ESAM: variants seen among roughly 807,000 people sequenced by gnomAD.
ESAM encodes the protein endothelial cell adhesion molecule.
ESAM carries 23 observed loss-of-function variants against 31.8 expected under a neutral mutation model. That is an observed-to-expected ratio of 0.72 (90% CI 0.52 to 1.03). ESAM has a LOEUF of 1.03. ESAM is among the 50% of genes least tolerant of loss of function. ESAM has a pLI of 0.00. For synonymous variants in ESAM, 216 were observed against 207.2 expected (o/e 1.04, Z -0.37); for missense variants, 478 against 488.9 (o/e 0.98, Z 0.21).
chr11:124,757,918 C>G (rs757427477), intron 2 of ESAM, among the ~76,000 whole-genome samples: 2 of 152,020 alleles, frequency 1.3e-5, no homozygotes, highest in Non-Finnish European at 2.9e-5. Flanking sequence ...AGGCTGCTCT[C>G]GAACTCTTGG....
chr11:124,758,248 G>A (rs1382466387), intron 2 of ESAM, 101 bp downstream of exon 2: 7 of 1,349,082 alleles, frequency 5.2e-6, no homozygotes, highest in South Asian at 1.3e-5. Context: ...CTCCTTCCCC[G>A]GCCCCCATTC....
rs1403632182 is a variant in ESAM at position 124,753,187 on chromosome 11, A to G, written c.*459T>C. 1 of 168,692 alleles carries G rather than the reference A, an allele frequency of 5.9e-6. No homozygotes were observed. Among genetic ancestry groups the G allele is most frequent in the African/African-American group, 2.4e-5 (1 of 41,824 alleles). 10.4% of individuals were successfully genotyped at this position (168,692 alleles called of 1,614,324 possible). A position where few individuals can be genotyped will look rare whatever the true frequency, so the allele number is the denominator to read the frequency against. ...AAATTTGCAAATGAAAACAACACAT[A>G]TTTCATGTTAGTTTTAATAAGAGAT... On this transcript the variant is annotated 3_prime_UTR_variant, in exon 7 of 7. Coordinates refer to ENST00000278927, the MANE Select transcript of ESAM (RefSeq NM_138961.3).
In ESAM at chr11:124,759,621, G is replaced by A. The variant is rs1178182719; in HGVS notation, c.71-1094C>T. Among the ~76,000 whole-genome samples the A allele has an allele frequency of 6.6e-6, 1 of 152,242 alleles. No homozygotes were observed. Among genetic ancestry groups the A allele is most frequent in the Non-Finnish European group, 1.5e-5 (1 of 68,040 alleles). On this transcript the variant is annotated intron_variant, in intron 1 of 6. Coordinates refer to ENST00000278927, the MANE Select transcript of ESAM (RefSeq NM_138961.3). The surrounding 1 kb of genome is among the most constrained non-coding windows in gnomAD (Gnocchi z 6.8). ...TCCACCCTCGCCCTAGGAGAGCCAG[G>A]CTGAAGGCCTCTAAGGGCTGGGAGC...
chr11:124,756,202 C>A lies in ESAM; in HGVS notation c.607+5G>T. The stretch of plus-strand genomic sequence containing the variant: ...AGTGTCCACTGTTTCCAGTAGTGTC[C>A]TCACCTAATGCTGGTGCAAAGAAAG... On this transcript the variant is annotated splice_donor_5th_base_variant and intron_variant, in intron 4 of 6. Coordinates refer to ENST00000278927, the MANE Select transcript of ESAM (RefSeq NM_138961.3). The A allele has an allele frequency of 6.2e-7, 1 of 1,613,336 alleles. No homozygotes were observed. Among genetic ancestry groups the A allele is most frequent in the Non-Finnish European group, 8.5e-7 (1 of 1,179,964 alleles).
chr11:124,758,936 G>A (rs1944192258), intron 1 of ESAM, among the ~76,000 whole-genome samples: 1 of 152,206 alleles, frequency 6.6e-6, no homozygotes, highest in African/African-American at 2.4e-5. Flanking sequence ...TCCTGAGGGA[G>A]AGTAGGGATG....
chr11:124,758,281 A>T (rs1944180258), intron 2 of ESAM, 68 bp downstream of exon 2: 2 of 1,591,150 alleles, frequency 1.3e-6, no homozygotes, highest in Admixed American at 1.7e-5. Flanking sequence ...TCCCACCGCT[A>T]CCAGCTCTTT....
At chr11:124,760,554 C>G (rs1205488099) in intron 1 of ESAM, among the ~76,000 whole-genome samples, 1 of 152,250 alleles carries the variant, frequency 6.6e-6, no homozygotes, top group African/African-American at 2.4e-5. Flanking sequence ...TCCTCCAGAG[C>G]CCAGAAGAGC....
chr11:124,759,817 G>T lies in ESAM; in HGVS notation c.71-1290C>A, dbSNP rs1171005161. Among the ~76,000 whole-genome samples, 2 of 152,206 alleles carry T rather than the reference G, an allele frequency of 1.3e-5. No homozygotes were observed. Among genetic ancestry groups the T allele is most frequent in the African/African-American group, 4.8e-5 (2 of 41,456 alleles). On this transcript the variant is annotated intron_variant, in intron 1 of 6. Coordinates refer to ENST00000278927, the MANE Select transcript of ESAM (RefSeq NM_138961.3). The surrounding 1 kb of genome is among the most constrained non-coding windows in gnomAD (Gnocchi z 6.8). ...ATAAGGCAGAAGACAATGAAGGGGG[G>T]GCCACTAGACCGGAGGCTCTACGGG...
intron 4 of ESAM, 137 bp downstream of exon 4, chr11:124,756,070 C>T (rs1303520960): frequency 3.3e-6 from 4 of 1,225,894 alleles, no homozygotes; most frequent in East Asian, 2.5e-5. Flanking sequence ...TTCTCTGCCC[C>T]ACATCCTCCC....
At chr11:124,756,101 C>T in intron 4 of ESAM, 106 bp downstream of exon 4, 3 of 1,475,812 alleles carry the variant, frequency 2.0e-6, no homozygotes, top group African/African-American at 1.4e-5. Flanking sequence ...TCCTCCTCCC[C>T]AGTGCTTGTC....
At chr11:124,758,020 A>G (rs1944177059) in intron 2 of ESAM, among the ~76,000 whole-genome samples, 1 of 152,092 alleles carries the variant, frequency 6.6e-6, no homozygotes, top group African/African-American at 2.4e-5. Context: ...AACTTTTATA[A>G]GTCGTGTGTG....
chr11:124,754,861 T>A lies in ESAM; in HGVS notation c.608-98A>T. 6.8e-7 allele frequency: 1 copy of A among 1,468,756 alleles called. No homozygotes were observed. The highest frequency in any genetic ancestry group is 9.1e-7 in the Non-Finnish European group (1 of 1,100,416). The allele number at this position is 1,468,756 out of a possible 1,614,324, so 91.0% of individuals were successfully genotyped here. ...CTCTGGAATGTCCCCTTTGACCCTC[T>A]GGGAGTCACGGCTTGTCTATTCCCT... On this transcript the variant is annotated intron_variant, in intron 4 of 6. Coordinates refer to ENST00000278927, the MANE Select transcript of ESAM (RefSeq NM_138961.3). The surrounding 1 kb of genome is among the most constrained non-coding windows in gnomAD (Gnocchi z 4.5).
At position 124,759,575 on chromosome 11, in the gene ESAM, G is replaced by T. The variant is rs935931444; in HGVS notation, c.71-1048C>A. On this transcript the variant is annotated intron_variant, in intron 1 of 6. Coordinates refer to ENST00000278927, the MANE Select transcript of ESAM (RefSeq NM_138961.3). This position sits in a 1 kb window ranked among gnomAD's most constrained non-coding sequence, Gnocchi z 6.8. ...GCAGGCGGCCAACGCCGCGGGAAGA[G>T]GCCGCAGCCAGGCCCCGCTCTCCAC... Among the ~76,000 whole-genome samples, 1 of 152,232 alleles carries T rather than the reference G, an allele frequency of 6.6e-6. No individual in the cohort carries two copies. The highest frequency in any genetic ancestry group is 1.5e-5 in the Non-Finnish European group (1 of 68,038).
chr11:124,753,632 G>T lies in ESAM; in HGVS notation c.*14C>A. 1.2e-6 allele frequency: 2 copies of T among 1,613,102 alleles called. No homozygotes were observed. The highest frequency in any genetic ancestry group is 1.7e-6 in the Non-Finnish European group (2 of 1,179,980). ...AGAGACCCCAAATCCTTTAGCCAATGAGTGGTGGGGTCATCATACCAGAGA... is the reference window on the plus strand; with the variant it reads ...AGAGACCCCAAATCCTTTAGCCAATTAGTGGTGGGGTCATCATACCAGAGA... On this transcript the variant is annotated 3_prime_UTR_variant, in exon 7 of 7. Transcript: ENST00000278927.
Position 124,753,896 on chromosome 11 carries a change from C to A in ESAM, c.923G>T (p.Gly308Val). ...PKSSDTISKN[G>V]TLSSVTSARA... ...TGCGGAGGTGACAGAGGAAAGGGTC[C>A]CATTCTTGGAGATTGTGTCTGAGCT... The change falls in exon 7 of 7, where the codon GGG (glycine) becomes GTG (valine). Residue 308 changes from glycine (G) to valine (V), a missense_variant. Coordinates refer to ENST00000278927, the MANE Select transcript of ESAM (RefSeq NM_138961.3). The A allele has an allele frequency of 6.2e-7, 1 of 1,614,024 alleles. No individual in the cohort carries two copies. Among genetic ancestry groups the A allele is most frequent in the Non-Finnish European group, 8.5e-7 (1 of 1,179,996 alleles).
At position 124,753,829 on chromosome 11, in the gene ESAM, T is replaced by G. The variant is rs747402594; in HGVS notation, c.990A>C (p.Ala330=). The G allele has an allele frequency of 2.2e-5, 35 of 1,613,402 alleles. No homozygotes were observed. In the Admixed American group the frequency reaches 5.8e-4, roughly 27 times the overall value. ...RPPHGPPRPG[A]LTPTPSLSSQ... is the part of the protein sequence containing the mutation. ...TGGAGAGACTGGGCGTGGGGGTCAA[T>G]GCACCAGGCCTGGGAGGGCCATGGG... The change falls in exon 7 of 7, where the codon GCA becomes GCC. Residue 330 remains alanine, a synonymous_variant. Coordinates refer to ENST00000278927, the MANE Select transcript of ESAM (RefSeq NM_138961.3).
Position 124,762,241 on chromosome 11 carries a change from G to A in ESAM, c.-87C>T. ...GCCGAGGCTGCGCGACGGCCGGAGC[G>A]TGCGCGGGAGCCGAGCCGCTGACAC... is the stretch of plus-strand genomic sequence containing the variant. On this transcript the variant is annotated 5_prime_UTR_variant, in exon 1 of 7. It adds an upstream start codon to the 5' untranslated region. Coordinates refer to ENST00000278927, the MANE Select transcript of ESAM (RefSeq NM_138961.3). This position sits in a 1 kb window ranked among gnomAD's most constrained non-coding sequence, Gnocchi z 6.4. 5 of 1,079,862 alleles carry A rather than the reference G, an allele frequency of 4.6e-6. No individual in the cohort carries two copies. In the South Asian group the frequency reaches 8.4e-5, roughly 18 times the overall value. 66.9% of individuals were successfully genotyped at this position (1,079,862 alleles called of 1,614,324 possible).
chr11:124,762,232 G>A lies in ESAM; in HGVS notation c.-78C>T. On this transcript the variant is annotated 5_prime_UTR_variant, in exon 1 of 7. Coordinates refer to ENST00000278927, the MANE Select transcript of ESAM (RefSeq NM_138961.3). This position sits in a 1 kb window ranked among gnomAD's most constrained non-coding sequence, Gnocchi z 6.4. ...CCTGCAGGTGCCGAGGCTGCGCGAC[G>A]GCCGGAGCGTGCGCGGGAGCCGAGC... 2.5e-6 allele frequency: 3 copies of A among 1,186,722 alleles called. No individual in the cohort carries two copies. The highest frequency in any genetic ancestry group is 3.5e-6 in the Non-Finnish European group (3 of 867,176). The allele number at this position is 1,186,722 out of a possible 1,614,324, so 73.5% of individuals were successfully genotyped here. A position where few individuals can be genotyped will look rare whatever the true frequency, so the allele number is the denominator to read the frequency against.
intron 1 of ESAM, 107 bp downstream of exon 1, chr11:124,761,978 G>A: frequency 2.1e-6 from 2 of 975,368 alleles, no homozygotes; most frequent in Non-Finnish European, 3.2e-6. Context: ...AGGGGAGGAG[G>A]GCGAGTCGTG....
Sources: allele counts gnomAD v4.1 joint callset (sites outside exome capture counted in the v4.1 genomes callset), GRCh38; gene constraint gnomAD v4.1.1; non-coding constraint Gnocchi (gnomAD v3.1); transcripts MANE v1.5; gene names NCBI Gene and HGNC (gene_info 2026-07-23, HGNC 2026-07-21).